NAV2: variants seen among roughly 807,000 people sequenced by gnomAD.
NAV2 encodes the protein helicase, APC down-regulated 1.
In NAV2, 54 loss-of-function variants were observed where a neutral mutation model predicts 223.2. The observed-to-expected ratio is 0.24, with a 90% CI of 0.19 to 0.30. The LOEUF is 0.30. Ranked by LOEUF, NAV2 falls within the 10% of genes least tolerant of loss-of-function variation. The pLI is 1.00. For synonymous variants in NAV2, 1,279 were observed against 1,239.3 expected (o/e 1.03, Z -0.67); for missense variants, 2,806 against 3,147.5 (o/e 0.89, Z 2.60).
At chr11:20,033,270 C>A (rs1363600826) in intron 11 of NAV2, among the ~76,000 whole-genome samples, 1 of 152,236 alleles carries the variant, frequency 6.6e-6, no homozygotes, top group Non-Finnish European at 1.5e-5. Flanking sequence ...GTACCCAGCA[C>A]AATGCCTGAT....
chr11:19,903,017 A>C (rs774428584), intron 6 of NAV2, among the ~76,000 whole-genome samples: 1 of 152,180 alleles, frequency 6.6e-6, no homozygotes, highest in Non-Finnish European at 1.5e-5. Context: ...TTTCTTGTGA[A>C]TGTGCACTTG....
At chr11:19,652,158 C>T (rs1398593249) in intron 1 of NAV2, among the ~76,000 whole-genome samples, 1 of 152,186 alleles carries the variant, frequency 6.6e-6, no homozygotes, top group Non-Finnish European at 1.5e-5. Flanking sequence ...CACTTGTCCC[C>T]CTACAATCCC....
intron 1 of NAV2, among the ~76,000 whole-genome samples, chr11:19,361,819 C>T (rs1240914018): frequency 1.3e-5 from 2 of 152,138 alleles, no homozygotes; most frequent in Non-Finnish European, 2.9e-5. Flanking sequence ...CTGCTTGTGT[C>T]CCTGGAGTAT....
intron 11 of NAV2, among the ~76,000 whole-genome samples, chr11:19,989,936 T>C (rs2051161977): frequency 6.6e-6 from 1 of 152,176 alleles, no homozygotes; most frequent in Non-Finnish European, 1.5e-5. Context: ...CTTACCATGG[T>C]ATCGTCTCTT....
At chr11:19,777,946 C>A in intron 1 of NAV2, 1 of 455,834 alleles carries the variant, frequency 2.2e-6, no homozygotes, top group Non-Finnish European at 4.4e-6. Context: ...ATCTCTACTG[C>A]GGTTTGGCTT....
At chr11:19,545,555 G>A (rs2044472158) in intron 1 of NAV2, among the ~76,000 whole-genome samples, 2 of 152,216 alleles carry the variant, frequency 1.3e-5, no homozygotes, top group African/African-American at 4.8e-5. Context: ...ATCAGACAAT[G>A]TAGCTTGGAG....
intron 1 of NAV2, among the ~76,000 whole-genome samples, chr11:19,609,434 G>A (rs2046570628): frequency 6.6e-6 from 1 of 152,138 alleles, no homozygotes; most frequent in Non-Finnish European, 1.5e-5. Flanking sequence ...CTGCAGAGGG[G>A]AGAGAGAGAG....
chr11:19,539,995 A>G (rs780875728), intron 1 of NAV2, among the ~76,000 whole-genome samples: 1 of 152,186 alleles, frequency 6.6e-6, no homozygotes, highest in African/African-American at 2.4e-5. Context: ...AATGGGAGTT[A>G]TGTGCCTGCT....
At chr11:19,628,788 G>A (rs1384351251) in intron 1 of NAV2, among the ~76,000 whole-genome samples, 6 of 152,090 alleles carry the variant, frequency 3.9e-5, no homozygotes, top group Non-Finnish European at 8.8e-5. Flanking sequence ...AAAGAACCAG[G>A]TACACCAAGG....
intron 4 of NAV2, among the ~76,000 whole-genome samples, chr11:19,872,659 T>G (rs973849442): frequency 6.6e-6 from 1 of 152,250 alleles, no homozygotes. Context: ...AAGCTGGGTT[T>G]GCACTCAGGA....
At chr11:19,520,695 G>A (rs1451406779) in intron 1 of NAV2, among the ~76,000 whole-genome samples, 1 of 152,168 alleles carries the variant, frequency 6.6e-6, no homozygotes, top group African/African-American at 2.4e-5. Flanking sequence ...AGCTCCCCAG[G>A]AATATCAAAG....
At chr11:20,074,143 C>G (rs2059575813) in intron 22 of NAV2, among the ~76,000 whole-genome samples, 1 of 152,184 alleles carries the variant, frequency 6.6e-6, no homozygotes, top group African/African-American at 2.4e-5. Context: ...TCTTTGTTCT[C>G]ATTGGTTTCA....
chr11:19,625,952 T>A (rs577106223), intron 1 of NAV2, among the ~76,000 whole-genome samples: 22 of 152,296 alleles, frequency 1.4e-4, no homozygotes, highest in South Asian at 4.1e-4. Context: ...AGATGAGTAG[T>A]TCGTGACCAT....
At chr11:19,469,013 A>T (rs1426544058) in intron 1 of NAV2, among the ~76,000 whole-genome samples, 1 of 152,214 alleles carries the variant, frequency 6.6e-6, no homozygotes, top group Non-Finnish European at 1.5e-5. Context: ...TCTCATGATT[A>T]ATCTCATGAT....
intron 1 of NAV2, among the ~76,000 whole-genome samples, chr11:19,495,422 A>G (rs2042762426): frequency 6.6e-6 from 1 of 152,176 alleles, no homozygotes; most frequent in African/African-American, 2.4e-5. Context: ...CTGTGAGCAG[A>G]GAGAGCCCTC....
chr11:19,997,167 G>A (rs1180122635), intron 11 of NAV2, among the ~76,000 whole-genome samples: 1 of 152,160 alleles, frequency 6.6e-6, no homozygotes, highest in Admixed American at 6.5e-5. Context: ...TTGTAGTCTG[G>A]GTAGGAGTCT....
intron 1 of NAV2, among the ~76,000 whole-genome samples, chr11:19,458,327 T>C (rs1192720486): frequency 1.3e-5 from 2 of 152,228 alleles, no homozygotes; most frequent in African/African-American, 4.8e-5. Context: ...CACAGATGTC[T>C]GGTCAAATGT....
At chr11:19,403,178 C>T (rs115634798) in intron 1 of NAV2, among the ~76,000 whole-genome samples, 4 of 152,322 alleles carry the variant, frequency 2.6e-5, no homozygotes, top group African/African-American at 9.6e-5. Flanking sequence ...CAACAGATGT[C>T]AAATATAATA....
intron 1 of NAV2, among the ~76,000 whole-genome samples, chr11:19,697,332 C>T (rs2049373953): frequency 6.6e-6 from 1 of 151,998 alleles, no homozygotes; most frequent in African/African-American, 2.4e-5. Context: ...GGGTTCTATG[C>T]TTTTGGCCTG....
Sources: allele counts gnomAD v4.1 joint callset (sites outside exome capture counted in the v4.1 genomes callset), GRCh38; gene constraint gnomAD v4.1.1; transcripts MANE v1.5; gene names NCBI Gene and HGNC (gene_info 2026-07-23, HGNC 2026-07-21).